MSRB3: variants seen among roughly 807,000 people sequenced by gnomAD.
The protein encoded by MSRB3 is methionine-R-sulfoxide reductase B3.
MSRB3 carries 13 observed loss-of-function variants against 21.0 expected under a neutral mutation model. The ratio of observed to expected loss-of-function variants is 0.62; its 90% confidence interval spans 0.40 to 0.98. The LOEUF is 0.98. MSRB3 is among the 50% of genes least tolerant of loss of function. The pLI, the probability that MSRB3 is intolerant of heterozygous loss-of-function variation, is 0.00. For missense variants in MSRB3, 199 were observed against 230.3 expected (o/e 0.86, Z 0.88); for synonymous variants, 87 against 88.6 (o/e 0.98, Z 0.10).
chr12:65,360,439 GAGA>G (rs1397179489), intron 4 of MSRB3, among the ~76,000 whole-genome samples: 10 of 152,086 alleles, frequency 6.6e-5, no homozygotes, highest in Non-Finnish European at 1.5e-5. Context: ...CAGGAATTCA[GAGA>G]AGGTGAATAT....
At chr12:65,335,086 CA>C (rs1240805954) in intron 4 of MSRB3, among the ~76,000 whole-genome samples, 2 of 152,086 alleles carry the variant, frequency 1.3e-5, no homozygotes, top group Non-Finnish European at 2.9e-5. Flanking sequence ...AATATCAGGC[CA>C]GATGTGTGAT....
chr12:65,407,775 G>GT (rs1880496191), intron 5 of MSRB3, among the ~76,000 whole-genome samples: 2 of 152,002 alleles, frequency 1.3e-5, no homozygotes, highest in Admixed American at 1.3e-4. Flanking sequence ...TGTTTTGGAG[G>GT]TTTCTATTGA....
chr12:65,340,818 T>A (rs1348021992), intron 4 of MSRB3, among the ~76,000 whole-genome samples: 1 of 151,784 alleles, frequency 6.6e-6, no homozygotes, highest in African/African-American at 2.4e-5. Flanking sequence ...TTCTAATAAA[T>A]TAAAAATCTC....
chr12:65,427,137 G>A (rs1565887225), intron 5 of MSRB3, among the ~76,000 whole-genome samples: 2 of 152,070 alleles, frequency 1.3e-5, no homozygotes, highest in African/African-American at 4.8e-5. Flanking sequence ...GTTAATCTTT[G>A]CACATTTGGT....
chr12:65,338,889 A>C (rs982696684), intron 4 of MSRB3, among the ~76,000 whole-genome samples: 1 of 152,108 alleles, frequency 6.6e-6, no homozygotes, highest in Non-Finnish European at 1.5e-5. Flanking sequence ...AGCCTAGGCA[A>C]CATGGTGAAA....
At chr12:65,404,477 A>C (rs764827778) in intron 5 of MSRB3, among the ~76,000 whole-genome samples, 36 of 152,314 alleles carry the variant, frequency 2.4e-4, no homozygotes, top group Middle Eastern at 3.4e-3. Flanking sequence ...TTATGAACAA[A>C]CTGCTATCCA....
At chr12:65,382,305 G>A (rs550278958) in intron 5 of MSRB3, among the ~76,000 whole-genome samples, 10 of 152,018 alleles carry the variant, frequency 6.6e-5, no homozygotes, top group African/African-American at 2.2e-4. Flanking sequence ...ACCAAAAATA[G>A]TAACCCTCAG....
chr12:65,432,659 C>G (rs952614771), intron 5 of MSRB3, among the ~76,000 whole-genome samples: 3 of 151,130 alleles, frequency 2.0e-5, no homozygotes, highest in Non-Finnish European at 3.0e-5. Context: ...TTTTTTTTTA[C>G]AGATGTTTTT....
chr12:65,433,472 A>G (rs1881976953), intron 5 of MSRB3, among the ~76,000 whole-genome samples: 1 of 151,864 alleles, frequency 6.6e-6, no homozygotes, highest in Non-Finnish European at 1.5e-5. Flanking sequence ...GTCAAATTTC[A>G]GTAGTTCTTC....
intron 4 of MSRB3, among the ~76,000 whole-genome samples, chr12:65,329,442 G>C (rs1013849529): frequency 1.3e-5 from 2 of 152,084 alleles, no homozygotes; most frequent in African/African-American, 4.8e-5. Flanking sequence ...TTGAGGTCAG[G>C]AGTTCGAGAT....
At chr12:65,456,438 G>A (rs1883094015) in intron 6 of MSRB3, among the ~76,000 whole-genome samples, 1 of 152,120 alleles carries the variant, frequency 6.6e-6, no homozygotes, top group South Asian at 2.1e-4. Flanking sequence ...AGTAGTCTAG[G>A]AAAGATCATT....
chr12:65,339,042 AT>A (rs1302507815), intron 4 of MSRB3, among the ~76,000 whole-genome samples: 1 of 152,210 alleles, frequency 6.6e-6, no homozygotes, highest in Non-Finnish European at 1.5e-5. Context: ...GTGACACTGG[AT>A]TCCAGCCTGG....
chr12:65,317,833 AAG>A (rs1316384868), intron 2 of MSRB3, among the ~76,000 whole-genome samples: 1 of 152,234 alleles, frequency 6.6e-6, no homozygotes. Flanking sequence ...AAACATAGCC[AAG>A]ATCATTATTT....
chr12:65,412,847 A>G (rs1880785479), intron 5 of MSRB3, among the ~76,000 whole-genome samples: 1 of 152,162 alleles, frequency 6.6e-6, no homozygotes, highest in East Asian at 1.9e-4. Flanking sequence ...GCGGAAGGTA[A>G]AGGGGAAGCA....
intron 4 of MSRB3, among the ~76,000 whole-genome samples, chr12:65,348,463 T>A (rs1947314144): frequency 6.6e-6 from 1 of 152,162 alleles, no homozygotes; most frequent in Admixed American, 6.6e-5. Context: ...TGCATCTATT[T>A]GATTCTTCTC....
chr12:65,332,895 C>T (rs1443150682), intron 4 of MSRB3, among the ~76,000 whole-genome samples: 2 of 152,238 alleles, frequency 1.3e-5, no homozygotes, highest in Non-Finnish European at 2.9e-5. Flanking sequence ...TCACAGCCTT[C>T]TTATAAACCT....
intron 4 of MSRB3, among the ~76,000 whole-genome samples, chr12:65,352,179 A>G (rs1877051409): frequency 6.6e-6 from 1 of 152,170 alleles, no homozygotes; most frequent in African/African-American, 2.4e-5. Context: ...CAATAAATGT[A>G]ATCCAGCATA....
intron 5 of MSRB3, among the ~76,000 whole-genome samples, chr12:65,444,243 C>T (rs1882512978): frequency 1.3e-5 from 2 of 152,160 alleles, no homozygotes; most frequent in Non-Finnish European, 2.9e-5. Context: ...ATTGATTGAG[C>T]ACCTACTTTG....
At chr12:65,438,396 C>A (rs1180757061) in intron 5 of MSRB3, among the ~76,000 whole-genome samples, 1 of 151,734 alleles carries the variant, frequency 6.6e-6, no homozygotes, top group Non-Finnish European at 1.5e-5. Flanking sequence ...TGCAAATAAT[C>A]AAAACTTTTT....
Sources: allele counts gnomAD v4.1 joint callset (sites outside exome capture counted in the v4.1 genomes callset), GRCh38; gene constraint gnomAD v4.1.1; transcripts MANE v1.5; gene names NCBI Gene and HGNC (gene_info 2026-07-23, HGNC 2026-07-21).